The following HMGB1 variants were observed in gnomAD, a reference collection of about 807,000 sequenced individuals.
The protein encoded by HMGB1 is high mobility group box 1.
For missense variants in HMGB1, 79 were observed against 253.5 expected (o/e 0.31, Z 4.67); for synonymous variants, 81 against 84.0 (o/e 0.96, Z 0.19).
chr13:30,544,158 A>G (rs898796243), intron 1 of HMGB1, among the ~76,000 whole-genome samples: 1 of 152,206 alleles, frequency 6.6e-6, no homozygotes, highest in Non-Finnish European at 1.5e-5. Context: ...GGGATTGAAC[A>G]TGCAAGTCAG....
At chr13:30,512,040 A>G (rs1280058110) in intron 1 of HMGB1, among the ~76,000 whole-genome samples, 1 of 152,124 alleles carries the variant, frequency 6.6e-6, no homozygotes, top group Non-Finnish European at 1.5e-5. Flanking sequence ...GGGGCCAGGC[A>G]TGGTGACTCA....
At chr13:30,527,887 T>C (rs970714723) in intron 1 of HMGB1, among the ~76,000 whole-genome samples, 2 of 152,184 alleles carry the variant, frequency 1.3e-5, no homozygotes, top group Non-Finnish European at 2.9e-5. Context: ...ATGCCTTCCA[T>C]AGCCCCCTAA....
At chr13:30,472,722 T>G (rs1348421052) in intron 1 of HMGB1, among the ~76,000 whole-genome samples, 1 of 152,184 alleles carries the variant, frequency 6.6e-6, no homozygotes, top group Non-Finnish European at 1.5e-5. Flanking sequence ...AAAGTCAAGC[T>G]ATATGAATTC....
intron 1 of HMGB1, among the ~76,000 whole-genome samples, chr13:30,574,264 T>G (rs1314623429): frequency 6.6e-6 from 1 of 152,252 alleles, no homozygotes; most frequent in African/African-American, 2.4e-5. Context: ...CTATTTTGTT[T>G]GTAGATATTT....
intron 1 of HMGB1, among the ~76,000 whole-genome samples, chr13:30,612,915 T>C (rs1441794286): frequency 6.6e-6 from 1 of 152,210 alleles, no homozygotes; most frequent in Non-Finnish European, 1.5e-5. Flanking sequence ...CCTAAAGCAG[T>C]TCCTAATTAC....
Position 30,575,915 on chromosome 13 carries a change from G to A in HMGB1, c.-15+40756C>T, listed in dbSNP as rs547918235. 1.4e-4 allele frequency among the ~76,000 whole-genome samples: 21 copies of A among 152,042 alleles called. No individual in the cohort carries two copies. In the South Asian group the frequency reaches 3.3e-3, roughly 24 times the overall value. ...GAGACCCTGTCTCTAAAAAAAATTC[G>A]TTTTAAGTGTGCTCAGGACATAACA... On this transcript the variant is annotated intron_variant, in intron 1 of 4. Transcript: ENST00000405805.
intron 3 of HMGB1, 35 bp downstream of exon 3, chr13:30,463,172 C>A (rs776318545): frequency 6.3e-7 from 1 of 1,588,900 alleles, no homozygotes; most frequent in South Asian, 1.2e-5. Context: ...TACTGTAAAA[C>A]GTGTCTGGGA....
intron 1 of HMGB1, among the ~76,000 whole-genome samples, chr13:30,611,875 G>GA (rs1239296571): frequency 6.8e-6 from 1 of 147,948 alleles, no homozygotes; most frequent in African/African-American, 2.5e-5. Flanking sequence ...AGCCATTGAT[G>GA]AAAAAGTTAA....
chr13:30,460,423 TTG>T lies in HMGB1; in HGVS notation c.*932_*933del, dbSNP rs1348283326. 6.6e-6 allele frequency: 1 copy of T among 151,746 alleles called. No individual in the cohort carries two copies. The highest frequency in any genetic ancestry group is 1.5e-5 in the Non-Finnish European group (1 of 67,782). 9.4% of individuals were successfully genotyped at this position (151,746 alleles called of 1,614,324 possible). On this transcript the variant is annotated 3_prime_UTR_variant, in exon 5 of 5. Transcript: ENST00000341423. The stretch of plus-strand genomic sequence containing the variant: ...CAACAAAAAATTTAATATGGCAGTC[TTG>T]TATTTTAAGCTCACGCTTTTGGGGA...
At chr13:30,531,895 A>AAAAT (rs939076277) in intron 1 of HMGB1, among the ~76,000 whole-genome samples, 1 of 151,374 alleles carries the variant, frequency 6.6e-6, no homozygotes, top group Admixed American at 6.6e-5. Flanking sequence ...AGACTGTCTC[A>AAAAT]AAATAAATAA....
At chr13:30,489,621 G>A (rs1593271890) in intron 1 of HMGB1, among the ~76,000 whole-genome samples, 3 of 152,244 alleles carry the variant, frequency 2.0e-5, no homozygotes, top group Non-Finnish European at 4.4e-5. Flanking sequence ...TAATATGTGT[G>A]CCAAAGTCAG....
chr13:30,607,939 G>A (rs1348235472), intron 1 of HMGB1, among the ~76,000 whole-genome samples: 2 of 152,208 alleles, frequency 1.3e-5, no homozygotes, highest in Admixed American at 6.5e-5. Context: ...AATTGTGGTA[G>A]CCGGCCCCCA....
intron 1 of HMGB1, among the ~76,000 whole-genome samples, chr13:30,556,440 C>T (rs915251017): frequency 3.3e-5 from 5 of 152,106 alleles, no homozygotes; most frequent in Non-Finnish European, 7.4e-5. Context: ...GATAGTATAA[C>T]GAAGAGATAT....
intron 1 of HMGB1, chr13:30,464,524 G>A (rs577749966): frequency 3.0e-5 from 30 of 984,718 alleles, no homozygotes; most frequent in South Asian, 4.7e-5. Flanking sequence ...GAGAGAGGAC[G>A]CGGCCCGGCT....
chr13:30,501,265 T>C (rs947163695), intron 1 of HMGB1, among the ~76,000 whole-genome samples: 3 of 152,268 alleles, frequency 2.0e-5, no homozygotes, highest in Admixed American at 2.0e-4. Flanking sequence ...TGGAAGTATC[T>C]ATGGATAGCT....
rs574420021 is a variant in HMGB1 at position 30,530,424 on chromosome 13, G to C, written c.-14-66730C>G. Among the ~76,000 whole-genome samples the C allele has an allele frequency of 1.1e-3, 164 of 152,284 alleles. 1 individual carries two copies. The highest frequency in any genetic ancestry group is 3.9e-3 in the African/African-American group (163 of 41,552). On this transcript the variant is annotated intron_variant, in intron 1 of 4. Transcript: ENST00000405805. ...AACTTGTGCAGGTAAAAGTGTGTAG[G>C]GGAAAAGGAACTCATACATGTACTG...
At chr13:30,462,496 C>T (rs747133847) in intron 4 of HMGB1, 42 bp downstream of exon 4, 51 of 1,461,556 alleles carry the variant, frequency 3.5e-5, no homozygotes, top group South Asian at 3.2e-4. Flanking sequence ...ATACATCTGG[C>T]GTACTTGTCA....
chr13:30,535,381 A>T (rs952429996), intron 1 of HMGB1, among the ~76,000 whole-genome samples: 3 of 152,194 alleles, frequency 2.0e-5, no homozygotes, highest in African/African-American at 2.4e-5. Context: ...TGGGGAAAAA[A>T]CTGTGTTTGC....
At chr13:30,583,038 T>C (rs1870973464) in intron 1 of HMGB1, among the ~76,000 whole-genome samples, 1 of 152,116 alleles carries the variant, frequency 6.6e-6, no homozygotes, top group African/African-American at 2.4e-5. Flanking sequence ...ATTTTTTTTT[T>C]CAATTTTTTG....
Sources: gnomAD v4.1 joint callset for allele counts (sites outside exome capture counted in the v4.1 genomes callset) on GRCh38, gnomAD v4.1.1 for gene constraint, MANE v1.5 for transcripts, NCBI Gene and HGNC (gene_info 2026-07-23, HGNC 2026-07-21) for gene names.